MIER1: variants seen among roughly 807,000 people sequenced by gnomAD.
The protein encoded by MIER1 is MIER1 transcriptional regulator.
In MIER1, 40 loss-of-function variants were observed where a neutral mutation model predicts 75.7. The ratio of observed to expected loss-of-function variants is 0.53; its 90% CI spans 0.41 to 0.69. The LOEUF (loss-of-function observed/expected upper bound fraction) is 0.69. MIER1 is among the 30% of genes least tolerant of loss of function. MIER1 has a pLI of 0.00. For synonymous variants in MIER1, 213 were observed against 223.4 expected, an observed-to-expected ratio of 0.95 and a Z score of 0.42; for missense variants, 574 against 680.2, an observed-to-expected ratio of 0.84 and a Z score of 1.74.
intron 12 of MIER1, among the ~76,000 whole-genome samples, chr1:66,980,539 T>C (rs972410242): frequency 2.0e-5 from 3 of 152,214 alleles, no homozygotes; most frequent in Non-Finnish European, 4.4e-5. Flanking sequence ...TAGCATATTA[T>C]AGACTATTAA....
At chr1:66,946,086 A>G (rs1416606505) in intron 3 of MIER1, 64 bp from the exon 4 acceptor site, 3 of 1,426,730 alleles carry the variant, frequency 2.1e-6, no homozygotes. Context: ...AAAAATATAT[A>G]CATTAATATT....
intron 2 of MIER1, among the ~76,000 whole-genome samples, chr1:66,934,414 T>C (rs143223417): frequency 1.6e-3 from 238 of 150,350 alleles, no homozygotes; most frequent in African/African-American, 5.4e-3. Context: ...TCTTTTTTTT[T>C]TTTTTTTGAG....
chr1:66,940,194 G>T, intron 3 of MIER1, 142 bp downstream of exon 3: 1 of 521,822 alleles, frequency 1.9e-6, no homozygotes, highest in East Asian at 3.6e-5. Flanking sequence ...AGAAATGGAT[G>T]AAAGGTTTGA....
chr1:66,925,509 C>G, intron 1 of MIER1: 2 of 985,464 alleles, frequency 2.0e-6, no homozygotes, highest in South Asian at 9.4e-5. Context: ...CCCCGGGAGG[C>G]TCTCGCTTGC....
At chr1:66,977,625 C>T (rs559537824) in intron 12 of MIER1, among the ~76,000 whole-genome samples, 18 of 152,150 alleles carry the variant, frequency 1.2e-4, no homozygotes, top group Non-Finnish European at 2.4e-4. Context: ...ATTGTCTACA[C>T]CTCATTCAGT....
intron 3 of MIER1, among the ~76,000 whole-genome samples, chr1:66,944,332 T>C (rs773059802): frequency 6.6e-6 from 1 of 151,822 alleles, no homozygotes; most frequent in Non-Finnish European, 1.5e-5. Context: ...CAATGTTCAG[T>C]AACTCATTTG....
At chr1:66,926,430 C>T (rs1651795265) in intron 2 of MIER1, among the ~76,000 whole-genome samples, 188 bp downstream of exon 2, 1 of 152,058 alleles carries the variant, frequency 6.6e-6, no homozygotes, top group Non-Finnish European at 1.5e-5. Context: ...TTGTAATATT[C>T]TGATAAAATG....
chr1:66,971,072 G>C (rs1663498559), intron 9 of MIER1, 113 bp downstream of exon 9: 1 of 915,724 alleles, frequency 1.1e-6, no homozygotes, highest in Admixed American at 3.3e-5. Flanking sequence ...ATTATTGACA[G>C]GGAATCTGAG....
chr1:66,952,769 G>A (rs1404247922), intron 4 of MIER1, among the ~76,000 whole-genome samples: 1 of 152,180 alleles, frequency 6.6e-6, no homozygotes, highest in Non-Finnish European at 1.5e-5. Flanking sequence ...AGCCCCCCTA[G>A]TAGCTGGGAC....
chr1:66,979,882 C>T lies in MIER1; in HGVS notation c.1230-1897C>T, dbSNP rs192557492. 3.1e-4 allele frequency among the ~76,000 whole-genome samples: 47 copies of T among 151,992 alleles called. No homozygotes were observed. In the East Asian group the frequency reaches 7.3e-3, roughly 24 times the overall value. ...CGGGTTGAAGTGATTCTACTGCCGCCGCCTCCCGAGTAGCTGGGATTACAG... is the reference window on the plus strand; with the variant it reads ...CGGGTTGAAGTGATTCTACTGCCGCTGCCTCCCGAGTAGCTGGGATTACAG... On this transcript the variant is annotated intron_variant, in intron 12 of 13. Transcript: ENST00000401041.
chr1:66,945,832 G>A (rs1657502334), intron 3 of MIER1, among the ~76,000 whole-genome samples: 1 of 152,100 alleles, frequency 6.6e-6, no homozygotes, highest in Admixed American at 6.5e-5. Context: ...GACAGAGCGA[G>A]ACCCTGTCTC....
chr1:66,947,486 T>G (rs1175195885), intron 4 of MIER1: 3 of 152,172 alleles, frequency 2.0e-5, no homozygotes, highest in Non-Finnish European at 4.4e-5. Context: ...TCCTTCTCTT[T>G]CAATATCTTA....
chr1:66,976,518 T>A (rs142597207), intron 11 of MIER1, 77 bp from the exon 12 acceptor site: 3 of 1,427,416 alleles, frequency 2.1e-6, no homozygotes, highest in East Asian at 2.4e-5. Flanking sequence ...CAAATTTATT[T>A]TCAAACTTCA....
At chr1:66,941,744 AT>A (rs1656273272) in intron 3 of MIER1, among the ~76,000 whole-genome samples, 2 of 152,100 alleles carry the variant, frequency 1.3e-5, no homozygotes, top group Non-Finnish European at 2.9e-5. Context: ...GCCAAGACGG[AT>A]GGATCACTTG....
intron 12 of MIER1, among the ~76,000 whole-genome samples, chr1:66,981,100 T>G (rs1665788435): frequency 6.6e-6 from 1 of 152,186 alleles, no homozygotes; most frequent in Non-Finnish European, 1.5e-5. Context: ...GACATATGAT[T>G]TATCTACATT....
chr1:66,957,976 A>C (rs138057210), intron 4 of MIER1, 83 bp from the exon 5 acceptor site: 13 of 778,654 alleles, frequency 1.7e-5, no homozygotes, highest in Admixed American at 2.7e-5. Flanking sequence ...TATAGAATGA[A>C]TACTCCACAG....
At position 66,979,640 on chromosome 1, in the gene MIER1, T is replaced by C. The variant is rs1467443643; in HGVS notation, c.1230-2139T>C. On this transcript the variant is annotated intron_variant, in intron 12 of 13. Coordinates refer to ENST00000401041, the MANE Select transcript of MIER1 (RefSeq NM_001077700.3). ...GTCTGATTCTGCCCTTTCCTGAATA[T>C]TCTGGATGCTATTAATCTTTAGGAA... 2.6e-5 allele frequency among the ~76,000 whole-genome samples: 4 copies of C among 152,346 alleles called. No individual in the cohort carries two copies. In the East Asian group the frequency reaches 7.7e-4, roughly 29 times the overall value.
chr1:66,974,242 A>C (rs548666034), intron 11 of MIER1, among the ~76,000 whole-genome samples: 3 of 152,260 alleles, frequency 2.0e-5, no homozygotes, highest in African/African-American at 7.2e-5. Flanking sequence ...ATAACTTAGA[A>C]GACAATGTAA....
chr1:66,933,484 GTTTA>G (rs767814013), intron 2 of MIER1, among the ~76,000 whole-genome samples: 7 of 152,056 alleles, frequency 4.6e-5, no homozygotes, highest in Admixed American at 1.3e-4. Context: ...TATATAATCT[GTTTA>G]TTCACTTTCA....
Sources: gnomAD v4.1 joint callset for allele counts (sites outside exome capture counted in the v4.1 genomes callset) on GRCh38, gnomAD v4.1.1 for gene constraint, MANE v1.5 for transcripts, NCBI Gene and HGNC (gene_info 2026-07-23, HGNC 2026-07-21) for gene names.